Variants in EPOR observed in about 807,000 individuals in gnomAD.
EPOR encodes the protein erythropoietin receptor.
Under a neutral mutation model 34.3 loss-of-function variants are expected in EPOR, and 20 were observed. The observed-to-expected ratio is 0.58, with a 90% CI of 0.41 to 0.85. The LOEUF is 0.85. EPOR is among the 40% of genes least tolerant of loss of function. The pLI, the probability that EPOR is intolerant of heterozygous loss-of-function variation, is 0.00. For synonymous variants in EPOR, 312 were observed against 299.0 expected, an observed-to-expected ratio of 1.04 and a Z score of -0.45; for missense variants, 601 against 672.7, an observed-to-expected ratio of 0.89 and a Z score of 1.18.
chr19:11,379,902 T>C (rs1225987091), intron 6 of EPOR, among the ~76,000 whole-genome samples: 2 of 152,206 alleles, frequency 1.3e-5, no homozygotes, highest in Non-Finnish European at 2.9e-5. Context: ...GGTTTCTCCA[T>C]GTTGGTCAGG....
intron 6 of EPOR, among the ~76,000 whole-genome samples, chr19:11,380,097 C>T (rs975967105): frequency 3.3e-5 from 5 of 152,252 alleles, no homozygotes; most frequent in African/African-American, 1.2e-4. Context: ...ACTTTTCAAG[C>T]GGCTGCTTCC....
rs1274060242 is a variant in EPOR, at chr19:11,377,272, G to T, written c.*712C>A. On this transcript the variant is annotated 3_prime_UTR_variant, in exon 8 of 8. Transcript: ENST00000222139. ...TAGCTAGTGGCCCTTAAACAGCTTT[G>T]CCCTTCCTGGGTGTACAGCTAAACT... The T allele has an allele frequency of 1.3e-5, 6 of 453,932 alleles. No homozygotes were observed. Among genetic ancestry groups the T allele is most frequent in the African/African-American group, 1.2e-4 (6 of 49,972 alleles). The allele number at this position is 453,932 out of a possible 1,614,324, so 28.1% of individuals were successfully genotyped here.
In EPOR at chr19:11,381,135, G is replaced by C; in HGVS notation, c.660C>G (p.Val220=). The C allele has an allele frequency of 6.4e-7, 1 of 1,568,534 alleles. No individual in the cohort carries two copies. Among genetic ancestry groups the C allele is most frequent in the Non-Finnish European group, 8.6e-7 (1 of 1,156,738 alleles). Residue 220 remains valine (V), a synonymous_variant, in exon 5 of 8, where the codon GTC becomes GTG. Transcript: ENST00000222139. This position sits in a 1 kb window ranked among gnomAD's most constrained non-coding sequence, Gnocchi z 5.3. ...LRGRTRYTFA[V]RARMAEPSFG... is the part of the protein sequence containing the mutation. ...AGCTCGGCTCAGCCATACGCGCGCG[G>C]ACGGCGAAGGTGTAGCGCGTCCGGC...
In EPOR at chr19:11,380,976, G is replaced by A; in HGVS notation, c.740-5C>T. On this transcript the variant is annotated splice_polypyrimidine_tract_variant and splice_region_variant and intron_variant, in intron 5 of 7. Transcript: ENST00000222139. The stretch of plus-strand genomic sequence containing the variant: ...TCAGGATGAGGGGGTCCAGGTCTAA[G>A]AGGCGGGGAGGAGGTCAGGGCGGTG... 1.3e-6 allele frequency: 2 copies of A among 1,552,842 alleles called. No homozygotes were observed. Among genetic ancestry groups the A allele is most frequent in the Non-Finnish European group, 8.7e-7 (1 of 1,147,476 alleles).
intron 2 of EPOR, 139 bp downstream of exon 2, chr19:11,382,958 G>T: frequency 6.4e-7 from 1 of 1,567,958 alleles, no homozygotes; most frequent in Non-Finnish European, 8.6e-7. Flanking sequence ...CCCTGGACCC[G>T]CAGGTTTCCC....
Position 11,382,030 on chromosome 19 carries a change from C to A in EPOR, c.327G>T (p.Leu109=), listed in dbSNP as rs770575937. ...ARGAVRFWCS[L]PTADTSSFVP... ...CGAAGCTCGACGTGTCGGCTGTAGG[C>A]AGCGAACACCAGAAGCGCACCGCAC... The change falls in exon 3 of 8, where the codon CTG becomes CTT. Residue 109 remains leucine, a synonymous_variant. Coordinates refer to ENST00000222139, the MANE Select transcript of EPOR (RefSeq NM_000121.4). 8.1e-6 allele frequency: 13 copies of A among 1,614,066 alleles called. No homozygotes were observed. Among genetic ancestry groups the A allele is most frequent in the Non-Finnish European group, 1.1e-5 (13 of 1,180,012 alleles).
rs1968302576 is a variant in EPOR, at chr19:11,377,915, C to A, written c.*69G>T. 2 of 1,600,918 alleles carry A rather than the reference C, an allele frequency of 1.2e-6. No homozygotes were observed. The highest frequency in any genetic ancestry group is 1.7e-6 in the Non-Finnish European group (2 of 1,170,554). ...TGAGAGAGGCCTCGCCATCCCTGTT[C>A]CATAAGTCTTGAGTCTGCACTGGTT... is the stretch of plus-strand genomic sequence containing the variant. On this transcript the variant is annotated 3_prime_UTR_variant, in exon 8 of 8. Transcript: ENST00000222139.
rs578029760 is a variant in EPOR, at chr19:11,382,122, G to A, written c.252-17C>T. ...GGCTCATCCCTATGCGCCCAGGGAA[G>A]GGAGCAGGTTGGGAGGGGGGACCGG... On this transcript the variant is annotated splice_polypyrimidine_tract_variant and intron_variant, in intron 2 of 7. Coordinates refer to ENST00000222139, the MANE Select transcript of EPOR (RefSeq NM_000121.4). 326 of 1,611,180 alleles carry A rather than the reference G, an allele frequency of 2.0e-4. No individual in the cohort carries two copies. Among genetic ancestry groups the A allele is most frequent in the Non-Finnish European group, 9.5e-5 (112 of 1,178,360 alleles).
rs1198219426 is a variant in EPOR at position 11,383,109 on chromosome 19, G to A, written c.239C>T (p.Ser80Phe). 3.1e-6 allele frequency: 5 copies of A among 1,613,734 alleles called. No individual in the cohort carries two copies. Among genetic ancestry groups the A allele is most frequent in the Non-Finnish European group, 8.5e-7 (1 of 1,179,938 alleles). The change falls in exon 2 of 8, where the codon TCC becomes TTC. Residue 80 changes from serine (S) to phenylalanine (F), a missense_variant. Ser to Phe is a radical substitution (Grantham distance 155). Coordinates refer to ENST00000222139, the MANE Select transcript of EPOR (RefSeq NM_000121.4). The surrounding 1 kb of genome is among the most constrained non-coding windows in gnomAD (Gnocchi z 4.9). ...GGATCGGACTCACTCGAGCTGGTAG[G>A]AGAAGCTGTAGTTGCCCGGGCCCAC... ...AGVGPGNYSF[S>F]YQLEDEPWKL...
rs774307582 is a variant in EPOR at position 11,377,323 on chromosome 19, G to A, written c.*661C>T. On this transcript the variant is annotated 3_prime_UTR_variant, in exon 8 of 8. Transcript: ENST00000222139. Reference sequence around the variant, plus strand: ...AAGTTTCCTGGCCTTTCATGTGACTGGGGTCATGTGACTGTTTCCAGCCAG... The same window carrying A: ...AAGTTTCCTGGCCTTTCATGTGACTAGGGTCATGTGACTGTTTCCAGCCAG... The A allele has an allele frequency of 6.6e-6, 3 of 454,064 alleles. No individual in the cohort carries two copies. Among genetic ancestry groups the A allele is most frequent in the South Asian group, 3.1e-5 (2 of 64,478 alleles). 28.1% of individuals were successfully genotyped at this position (454,064 alleles called of 1,614,324 possible).
chr19:11,378,552 C>T lies in EPOR; in HGVS notation c.959G>A (p.Cys320Tyr), dbSNP rs2144694726. 6.2e-7 allele frequency: 1 copy of T among 1,614,176 alleles called. No homozygotes were observed. Among genetic ancestry groups the T allele is most frequent in the Non-Finnish European group, 8.5e-7 (1 of 1,180,022 alleles). ...QNDGCLWWSP[C>Y]TPFTEDPPAS... is the part of the protein sequence containing the mutation. ...AGGTGGGTCCTCCGTGAAGGGGGTG[C>T]AGGGGCTCCACCACAGGCAGCCATC... Residue 320 changes from cysteine (C) to tyrosine (Y), a missense_variant, in exon 8 of 8, where the codon TGC becomes TAC. Transcript: ENST00000222139. This position sits in a 1 kb window ranked among gnomAD's most constrained non-coding sequence, Gnocchi z 5.3.
chr19:11,381,213 G>C lies in EPOR; in HGVS notation c.586-4C>G, dbSNP rs888931652. The C allele has an allele frequency of 5.2e-6, 8 of 1,549,086 alleles. No individual in the cohort carries two copies. Among genetic ancestry groups the C allele is most frequent in the African/African-American group, 1.4e-5 (1 of 73,026 alleles). On this transcript the variant is annotated splice_polypyrimidine_tract_variant and splice_region_variant and intron_variant, in intron 4 of 7. Coordinates refer to ENST00000222139, the MANE Select transcript of EPOR (RefSeq NM_000121.4). This position sits in a 1 kb window ranked among gnomAD's most constrained non-coding sequence, Gnocchi z 5.3. The stretch of plus-strand genomic sequence containing the variant: ...TGCGGCCCTCCAGGATCTCCACCTG[G>C]GGGCGGAATCAGGGCGAGGGACGCG...
At position 11,378,032 on chromosome 19, in the gene EPOR, A is replaced by G; in HGVS notation, c.1479T>C (p.Leu493=). The part of the protein sequence containing the change: ...GPYSNPYENS[L]IPAAEPLPPS... The stretch of plus-strand genomic sequence containing the variant: ...GGGGCAGAGGCTCAGCGGCTGGGAT[A>G]AGGCTGTTCTCATAAGGGTTGGAGT... The change falls in exon 8 of 8, where the codon CTT becomes CTC. Residue 493 remains leucine, a synonymous_variant. Coordinates refer to ENST00000222139, the MANE Select transcript of EPOR (RefSeq NM_000121.4). This position sits in a 1 kb window ranked among gnomAD's most constrained non-coding sequence, Gnocchi z 5.3. 1 of 1,614,158 alleles carries G rather than the reference A, an allele frequency of 6.2e-7. No individual in the cohort carries two copies. Among genetic ancestry groups the G allele is most frequent in the Non-Finnish European group, 8.5e-7 (1 of 1,180,022 alleles).
intron 1 of EPOR, 91 bp downstream of exon 1, chr19:11,384,002 G>A: frequency 1.1e-6 from 1 of 892,954 alleles, no homozygotes; most frequent in Non-Finnish European, 1.8e-6. Flanking sequence ...TCCAGAAACA[G>A]GCATGGCCCC....
rs138190746 is a variant in EPOR at position 11,378,113 on chromosome 19, A to G, written c.1398T>C (p.Thr466=). 928 of 1,614,106 alleles carry G rather than the reference A, an allele frequency of 5.7e-4. 6 individuals carry two copies. The highest frequency in any genetic ancestry group is 3.1e-3 in the African/African-American group (232 of 75,030). The stretch of plus-strand genomic sequence containing the variant: ...CCTGGGAGTCCCCTGAGCTGTAGTC[A>G]GTTGAGATGCCAGAGTCAGATACCA... ...YLVVSDSGIS[T]DYSSGDSQGA... Residue 466 remains threonine (T), a synonymous_variant, in exon 8 of 8, where the codon ACT becomes ACC. Coordinates refer to ENST00000222139, the MANE Select transcript of EPOR (RefSeq NM_000121.4). This position sits in a 1 kb window ranked among gnomAD's most constrained non-coding sequence, Gnocchi z 5.3.
rs201075113 is a variant in EPOR at position 11,380,868 on chromosome 19, C to T, written c.827+16G>A. ...CGGGGAGGAGTCTGGGCCCAGCGCCCAAATGGGGAGCTCACCGGCGGTGGG... is the reference window on the plus strand; with the variant it reads ...CGGGGAGGAGTCTGGGCCCAGCGCCTAAATGGGGAGCTCACCGGCGGTGGG... On this transcript the variant is annotated intron_variant, in intron 6 of 7. Transcript: ENST00000222139. The T allele has an allele frequency of 5.8e-6, 9 of 1,548,826 alleles. No homozygotes were observed. In the East Asian group the frequency reaches 2.0e-4, roughly 34 times the overall value.
In EPOR at chr19:11,382,013, G is replaced by C; in HGVS notation, c.344C>G (p.Ser115Trp). 1 of 1,614,218 alleles carries C rather than the reference G, an allele frequency of 6.2e-7. No individual in the cohort carries two copies. The highest frequency in any genetic ancestry group is 8.5e-7 in the Non-Finnish European group (1 of 1,180,040). ...GCGCAACTCTAGGGGCACGAAGCTC[G>C]ACGTGTCGGCTGTAGGCAGCGAACA... is the stretch of plus-strand genomic sequence containing the variant. ...FWCSLPTADT[S>W]SFVPLELRVT... The change falls in exon 3 of 8, where the codon TCG becomes TGG. Residue 115 changes from serine (S) to tryptophan (W), a missense_variant. Ser to Trp is a radical substitution (Grantham distance 177). Coordinates refer to ENST00000222139, the MANE Select transcript of EPOR (RefSeq NM_000121.4).
Position 11,383,136 on chromosome 19 carries a change from C to A in EPOR, c.212G>T (p.Gly71Val). The stretch of plus-strand genomic sequence containing the variant: ...GAAGCTGTAGTTGCCCGGGCCCACC[C>A]CAGCGCTCGCCGCTTCCTCCCAGAA... Reference protein sequence around the residue: ...VCFWEEAASAGVGPGNYSFSY... With the variant: ...VCFWEEAASAVVGPGNYSFSY... The change falls in exon 2 of 8, where the codon GGG becomes GTG. Residue 71 changes from glycine to valine, a missense_variant. Gly to Val is a moderately radical substitution (Grantham distance 109). Coordinates refer to ENST00000222139, the MANE Select transcript of EPOR (RefSeq NM_000121.4). The surrounding 1 kb of genome is among the most constrained non-coding windows in gnomAD (Gnocchi z 4.9). 6.2e-7 allele frequency: 1 copy of A among 1,613,676 alleles called. No individual in the cohort carries two copies.
chr19:11,378,464 TGTCCCCGGCTCCACTGCCTGCATC>T lies in EPOR; in HGVS notation c.1023_1046del (p.Met342_Thr349del). On this transcript the variant is annotated inframe_deletion, in exon 8 of 8. Coordinates refer to ENST00000222139, the MANE Select transcript of EPOR (RefSeq NM_000121.4). The surrounding 1 kb of genome is among the most constrained non-coding windows in gnomAD (Gnocchi z 5.3). ...GCTCCAGCAGGGGGCCCTCATCATC[TGTCCCCGGCTCCACTGCCTGCATC>T]GTCCCCCAGCAGCGCTCTGAGAGGA... 4 of 1,614,180 alleles carry T rather than the reference TGTCCCCGGCTCCACTGCCTGCATC, an allele frequency of 2.5e-6. No homozygotes were observed. The East Asian group carries it at 6.7e-5, about 27-fold the overall frequency.
Sources: allele counts gnomAD v4.1 joint callset (sites outside exome capture counted in the v4.1 genomes callset), GRCh38; gene constraint gnomAD v4.1.1; non-coding constraint Gnocchi (gnomAD v3.1); transcripts MANE v1.5; gene names NCBI Gene and HGNC (gene_info 2026-07-23, HGNC 2026-07-21).